Variants in SYNPO observed in about 807,000 individuals in gnomAD.
The protein encoded by SYNPO is synaptopodin.
In SYNPO, 19 loss-of-function variants were observed where a neutral mutation model predicts 49.5. The observed-to-expected ratio is 0.38, with a 90% CI of 0.27 to 0.56. The LOEUF is 0.56. SYNPO is among the 20% of genes least tolerant of loss of function. The pLI is 0.68. For missense variants in SYNPO, 1,131 were observed against 1,248.3 expected, an observed-to-expected ratio of 0.91 and a Z score of 1.42; for synonymous variants, 536 against 548.0, an observed-to-expected ratio of 0.98 and a Z score of 0.31.
At chr5:150,601,967 C>G (rs1756554112) in intron 1 of SYNPO, among the ~76,000 whole-genome samples, 1 of 152,240 alleles carries the variant, frequency 6.6e-6, no homozygotes, top group South Asian at 2.1e-4. Flanking sequence ...CCTCCAGGAG[C>G]TCGGCATCAC....
At chr5:150,614,665 C>T (rs976272323) in intron 1 of SYNPO, 22 of 152,204 alleles carry the variant, frequency 1.4e-4, no homozygotes, top group African/African-American at 5.3e-4. Flanking sequence ...CCATTTCTGC[C>T]AAGGCTCAAG....
chr5:150,631,922 G>A (rs184777318), intron 2 of SYNPO, among the ~76,000 whole-genome samples: 5 of 152,222 alleles, frequency 3.3e-5, no homozygotes, highest in Admixed American at 6.5e-5. Flanking sequence ...TATTCCCTGT[G>A]GGAGTCTGTG....
upstream of SYNPO, among the ~76,000 whole-genome samples, chr5:150,638,904 G>A (rs1757802645): frequency 1.3e-5 from 2 of 152,208 alleles, no homozygotes; most frequent in Admixed American, 1.3e-4. Flanking sequence ...CAGCAGGAGG[G>A]GGCTTCGTGA....
At chr5:150,598,405 C>G (rs61600925), upstream of SYNPO, among the ~76,000 whole-genome samples, 17,233 of 152,178 alleles carry the variant, frequency 0.11, 3,127 homozygotes, top group African/African-American at 0.39. Context: ...GCAGGTTATA[C>G]TCGTAGGACA....
At chr5:150,600,438 G>A (rs1222431209), upstream of SYNPO, among the ~76,000 whole-genome samples, 1 of 152,232 alleles carries the variant, frequency 6.6e-6, no homozygotes, top group Non-Finnish European at 1.5e-5. Flanking sequence ...GATCCCTCCT[G>A]TTGAAAGAAG....
the SYNPO span, among the ~76,000 whole-genome samples, chr5:150,592,856 C>T: frequency 1.3e-5 from 2 of 152,216 alleles, no homozygotes; most frequent in African/African-American, 2.4e-5. Context: ...CCTCTAATAC[C>T]ACCTACCAGT....
intron 2 of SYNPO, among the ~76,000 whole-genome samples, chr5:150,623,876 A>C (rs1193150728): frequency 6.6e-6 from 1 of 152,196 alleles, no homozygotes; most frequent in East Asian, 1.9e-4. Context: ...CTAGACCAGC[A>C]TTTCTCCAAC....
intron 2 of SYNPO, among the ~76,000 whole-genome samples, chr5:150,620,899 C>CTTTCTTTCTTTCTT (rs1014762340): frequency 9.2e-6 from 1 of 108,866 alleles, no homozygotes; most frequent in Admixed American, 1.0e-4. Context: ...TTCTTTTTTT[C>CTTTCTTTCTTTCTT]TCTTTCTTTC....
At chr5:150,650,449 T>G in intron 2 of SYNPO, 146 bp downstream of exon 2, 1 of 1,535,766 alleles carries the variant, frequency 6.5e-7, no homozygotes, top group South Asian at 1.2e-5. Flanking sequence ...AGTCCATGGT[T>G]CAAGGTCAGA....
chr5:150,592,854 A>G, the SYNPO span, among the ~76,000 whole-genome samples: 1 of 152,178 alleles, frequency 6.6e-6, no homozygotes, highest in East Asian at 1.9e-4. Context: ...CTCCTCTAAT[A>G]CCACCTACCA....
chr5:150,588,098 CA>C, the SYNPO span, among the ~76,000 whole-genome samples: 4 of 152,026 alleles, frequency 2.6e-5, no homozygotes, highest in African/African-American at 9.7e-5. Context: ...TTTTTAGTTT[CA>C]AAAAAGTGTG....
At chr5:150,652,230 G>C (rs2151429431) in intron 2 of SYNPO, 1 of 1,000,700 alleles carries the variant, frequency 1.0e-6, no homozygotes, top group Non-Finnish European at 1.2e-6. Flanking sequence ...CTACCCTTGA[G>C]GGCCACCAAT....
rs370223181 is a variant in SYNPO, at chr5:150,622,552, C to T, written c.400+3785C>T. 1.6e-4 allele frequency among the ~76,000 whole-genome samples: 25 copies of T among 152,340 alleles called. No individual in the cohort carries two copies. The South Asian group carries it at 2.7e-3, about 16-fold the overall frequency. On this transcript the variant is annotated intron_variant, in intron 2 of 2. Coordinates refer to the SYNPO transcript ENST00000394243. ...GTGTGTAGCAGATTTAGAGCCACTTCCAACTCTAGTGGACACTGTTCTGAG... is the reference window on the plus strand; with the variant it reads ...GTGTGTAGCAGATTTAGAGCCACTTTCAACTCTAGTGGACACTGTTCTGAG...
At chr5:150,621,681 T>C (rs1036400740) in intron 2 of SYNPO, among the ~76,000 whole-genome samples, 10 of 152,248 alleles carry the variant, frequency 6.6e-5, no homozygotes, top group Non-Finnish European at 8.8e-5. Flanking sequence ...TGAGCCACTA[T>C]ATCTTCTGCT....
intron 1 of SYNPO, among the ~76,000 whole-genome samples, chr5:150,645,078 G>A (rs1175952393): frequency 6.6e-6 from 1 of 152,132 alleles, no homozygotes; most frequent in Non-Finnish European, 1.5e-5. Context: ...CCTCCCTGCG[G>A]GTCCCATGTG....
At chr5:150,624,668 G>A (rs894515061) in intron 2 of SYNPO, 2 of 205,624 alleles carry the variant, frequency 9.7e-6, no homozygotes, top group African/African-American at 4.7e-5. Context: ...CAGGCAGCAG[G>A]AGCACGGCTC....
the SYNPO span, among the ~76,000 whole-genome samples, chr5:150,593,281 A>G: frequency 6.6e-6 from 1 of 152,174 alleles, no homozygotes; most frequent in African/African-American, 2.4e-5. Context: ...GAGCCAGGAC[A>G]AGGAGGAAAG....
rs28298 is a variant in SYNPO at position 150,658,236 on chromosome 5, C to T, written c.*1149C>T. On this transcript the variant is annotated 3_prime_UTR_variant, in exon 3 of 3. Transcript: ENST00000307662. Reference sequence around the variant, plus strand: ...GGGTGGTGGTGGTGGGCTAGTTGGGCTTGAATTTAGGGGCCGATGAGCTTG... The same window carrying T: ...GGGTGGTGGTGGTGGGCTAGTTGGGTTTGAATTTAGGGGCCGATGAGCTTG... 0.58 allele frequency: 87,855 copies of T among 152,056 alleles called. 27,577 individuals are homozygous for T. The highest frequency in any genetic ancestry group is 0.84 in the African/African-American group (34,835 of 41,452). The allele number at this position is 152,056 out of a possible 1,614,324, so 9.4% of individuals were successfully genotyped here.
rs550793243 is a variant in SYNPO, at chr5:150,657,169, CTT to C, written c.*84_*85del. On this transcript the variant is annotated 3_prime_UTR_variant, in exon 3 of 3. Transcript: ENST00000307662. The stretch of plus-strand genomic sequence containing the variant: ...CTGGGGGACCCAAAGGGTCTGGCCT[CTT>C]TGGGCAGCCCCAGAGATGAGGGGTC... The C allele has an allele frequency of 1.5e-4, 216 of 1,421,280 alleles. No individual in the cohort carries two copies. In the African/African-American group the frequency reaches 2.7e-3, roughly 18 times the overall value. 88.0% of individuals were successfully genotyped at this position (1,421,280 alleles called of 1,614,324 possible).
Sources: gnomAD v4.1 joint callset for allele counts (sites outside exome capture counted in the v4.1 genomes callset) on GRCh38, gnomAD v4.1.1 for gene constraint, MANE v1.5 for transcripts, NCBI Gene and HGNC (gene_info 2026-07-23, HGNC 2026-07-21) for gene names.